Variants in SLC24A3 observed in about 807,000 individuals in gnomAD.
SLC24A3 encodes sodium/potassium/calcium exchanger 3.
In SLC24A3, 28 loss-of-function variants were observed where a neutral mutation model predicts 75.8. That is an observed-to-expected ratio of 0.37 (90% CI 0.27 to 0.51). The LOEUF (loss-of-function observed/expected upper bound fraction) is 0.51. SLC24A3 is among the 20% of genes least tolerant of loss of function. The pLI is 0.94. For synonymous variants in SLC24A3, 372 were observed against 334.1 expected (o/e 1.11, Z -1.24); for missense variants, 663 against 847.8 (o/e 0.78, Z 2.71).
chr20:19,437,829 C>T (rs559462788), intron 2 of SLC24A3, among the ~76,000 whole-genome samples: 1 of 152,218 alleles, frequency 6.6e-6, no homozygotes, highest in Non-Finnish European at 1.5e-5. Context: ...CACCCTGTTC[C>T]CCCTGCTCTT....
At chr20:19,515,596 G>A in intron 3 of SLC24A3, 32 bp downstream of exon 3, 5 of 1,610,212 alleles carry the variant, frequency 3.1e-6, no homozygotes, top group Non-Finnish European at 4.2e-6. Context: ...TGCCTGGAGG[G>A]TCCATAGGCT....
chr20:19,561,830 C>T (rs149828501), intron 3 of SLC24A3, among the ~76,000 whole-genome samples: 2 of 152,102 alleles, frequency 1.3e-5, no homozygotes, highest in East Asian at 3.9e-4. Context: ...CAAAATAGCT[C>T]GAGTCATACA....
At position 19,351,208 on chromosome 20, in the gene SLC24A3, T is replaced by TGAA. The variant is rs1334136934; in HGVS notation, c.271+70121_271+70122insGAA. Among the ~76,000 whole-genome samples the TGAA allele has an allele frequency of 1.6e-4, 25 of 152,338 alleles. 1 individual carries two copies. Among genetic ancestry groups the TGAA allele is most frequent in the African/African-American group, 6.0e-4 (25 of 41,578 alleles). Reference sequence around the variant, plus strand: ...AACCTTGGCCTTGTCACTGCTGCAGTCTGAAGTTCTCATTTTCCCTTCAGG... The same window carrying TGAA: ...AACCTTGGCCTTGTCACTGCTGCAGTGAACTGAAGTTCTCATTTTCCCTTCAGG... On this transcript the variant is annotated intron_variant, in intron 2 of 16. Coordinates refer to ENST00000328041, the MANE Select transcript of SLC24A3 (RefSeq NM_020689.4).
At chr20:19,288,133 T>C (rs1194245495) in intron 2 of SLC24A3, among the ~76,000 whole-genome samples, 1 of 152,228 alleles carries the variant, frequency 6.6e-6, no homozygotes. Flanking sequence ...GTTTTAATGA[T>C]GAATAGATTA....
chr20:19,588,607 G>A (rs1021059230), intron 6 of SLC24A3, among the ~76,000 whole-genome samples: 2 of 152,206 alleles, frequency 1.3e-5, no homozygotes, highest in African/African-American at 2.4e-5. Context: ...TTATAGAGAG[G>A]TTCTTGGCAT....
intron 2 of SLC24A3, among the ~76,000 whole-genome samples, chr20:19,320,298 T>C (rs1302330120): frequency 6.6e-6 from 1 of 152,204 alleles, no homozygotes; most frequent in African/African-American, 2.4e-5. Context: ...GGTCGAGTTA[T>C]GAAATTAACA....
chr20:19,414,999 T>C (rs1986804367), intron 2 of SLC24A3, among the ~76,000 whole-genome samples: 1 of 152,254 alleles, frequency 6.6e-6, no homozygotes, highest in Non-Finnish European at 1.5e-5. Context: ...TACAGCCTTA[T>C]AGTATGTATC....
chr20:19,323,041 C>A (rs1166899558), intron 2 of SLC24A3, among the ~76,000 whole-genome samples: 1 of 151,430 alleles, frequency 6.6e-6, no homozygotes, highest in Non-Finnish European at 1.5e-5. Context: ...CCCGTCTCTA[C>A]TAAAAATACA....
chr20:19,316,619 G>C (rs979370), intron 2 of SLC24A3, among the ~76,000 whole-genome samples: 19 of 152,042 alleles, frequency 1.2e-4, no homozygotes, highest in Non-Finnish European at 2.6e-4. Context: ...ACACCAAGTC[G>C]TGCCGACTCC....
intron 2 of SLC24A3, among the ~76,000 whole-genome samples, chr20:19,304,295 G>C (rs554717442): frequency 1.3e-5 from 2 of 152,062 alleles, no homozygotes; most frequent in Non-Finnish European, 1.5e-5. Context: ...AAGCCACCTG[G>C]CTCTGTTCCT....
intron 2 of SLC24A3, among the ~76,000 whole-genome samples, chr20:19,366,677 C>A (rs182379347): frequency 6.6e-6 from 1 of 152,170 alleles, no homozygotes; most frequent in Non-Finnish European, 1.5e-5. Context: ...ACAGAGGGAT[C>A]TTTGGTAAAA....
At chr20:19,517,753 G>A (rs2030023753) in intron 3 of SLC24A3, among the ~76,000 whole-genome samples, 2 of 152,204 alleles carry the variant, frequency 1.3e-5, no homozygotes, top group Admixed American at 6.5e-5. Context: ...TGCTGCCAAG[G>A]CCCTTGCAGG....
chr20:19,252,830 G>A (rs1327585448), intron 1 of SLC24A3, among the ~76,000 whole-genome samples: 2 of 152,202 alleles, frequency 1.3e-5, no homozygotes, highest in African/African-American at 4.8e-5. Context: ...CAGTATGGGG[G>A]AGGGGTCAGC....
intron 3 of SLC24A3, among the ~76,000 whole-genome samples, chr20:19,520,732 C>T (rs546107451): frequency 1.7e-4 from 25 of 144,814 alleles, no homozygotes; most frequent in African/African-American, 6.1e-4. Flanking sequence ...CCCTGTTCCC[C>T]GCGTCAACAC....
chr20:19,298,229 C>T (rs749674388), intron 2 of SLC24A3, among the ~76,000 whole-genome samples: 11 of 152,206 alleles, frequency 7.2e-5, no homozygotes, highest in African/African-American at 1.7e-4. Flanking sequence ...TGCATGAACA[C>T]GGGAGTTGCA....
intron 3 of SLC24A3, among the ~76,000 whole-genome samples, chr20:19,572,766 A>G (rs538497934): frequency 6.6e-6 from 1 of 152,210 alleles, no homozygotes; most frequent in Non-Finnish European, 1.5e-5. Flanking sequence ...ACTAGAATCA[A>G]TGAATGGTTC....
At chr20:19,660,329 C>T (rs933120327) in intron 7 of SLC24A3, among the ~76,000 whole-genome samples, 8 of 151,808 alleles carry the variant, frequency 5.3e-5, no homozygotes, top group East Asian at 1.9e-4. Context: ...CATGCCACCA[C>T]GCTGTATGCC....
intron 2 of SLC24A3, among the ~76,000 whole-genome samples, chr20:19,504,777 G>A (rs1358212106): frequency 6.6e-6 from 1 of 152,166 alleles, no homozygotes; most frequent in East Asian, 1.9e-4. Flanking sequence ...CACACCACAG[G>A]GAATTTACCA....
At chr20:19,570,102 G>A (rs888116985) in intron 3 of SLC24A3, among the ~76,000 whole-genome samples, 1 of 152,186 alleles carries the variant, frequency 6.6e-6, no homozygotes, top group African/African-American at 2.4e-5. Context: ...AGTTCTGTGA[G>A]TTGTACAAGC....
Sources: gnomAD v4.1 joint callset for allele counts (sites outside exome capture counted in the v4.1 genomes callset) on GRCh38, gnomAD v4.1.1 for gene constraint, MANE v1.5 for transcripts, NCBI Gene and HGNC (gene_info 2026-07-23, HGNC 2026-07-21) for gene names.